The following GSE1 variants were observed in gnomAD, a reference collection of about 807,000 sequenced individuals.
GSE1 encodes the protein Gse1 coiled-coil protein, also known as genetic suppressor element 1.
Under a neutral mutation model 112.6 loss-of-function variants are expected in GSE1, and 32 were observed. That is an observed-to-expected ratio of 0.28 (90% CI 0.21 to 0.38). The LOEUF is 0.38. GSE1 is among the 10% of genes least tolerant of loss of function. The pLI is 1.00. For synonymous variants in GSE1, 1,115 were observed against 735.6 expected (o/e 1.52, Z -8.35); for missense variants, 2,348 against 1,699.2 (o/e 1.38, Z -6.71).
intron 1 of GSE1, among the ~76,000 whole-genome samples, chr16:85,613,643 G>A (rs1249198514): frequency 1.3e-5 from 2 of 151,556 alleles, no homozygotes; most frequent in African/African-American, 4.8e-5. Flanking sequence ...TCCGGGCTCA[G>A]GAGTGCGCTC....
In GSE1 at chr16:85,245,111, A is replaced by AT. The variant is rs1905497030; in HGVS notation, c.2283+73305dup. ...CAGGAGTTCAGGGCTGCAGTAAGCTATGATTGTATCACTGTACTCCAGCCT... is the reference window on the plus strand; with the variant it reads ...CAGGAGTTCAGGGCTGCAGTAAGCTATTGATTGTATCACTGTACTCCAGCCT... On this transcript the variant is annotated intron_variant, in intron 1 of 2. Coordinates refer to the GSE1 transcript ENST00000637419. Among the ~76,000 whole-genome samples, 3 of 152,062 alleles carry AT rather than the reference A, an allele frequency of 2.0e-5. No homozygotes were observed. In the South Asian group the frequency reaches 6.2e-4, roughly 32 times the overall value.
chr16:85,567,034 G>A (rs1233863233), intron 1 of GSE1, among the ~76,000 whole-genome samples: 2 of 146,612 alleles, frequency 1.4e-5, no homozygotes, highest in Admixed American at 6.7e-5. Flanking sequence ...TGTTACTCCC[G>A]CCCCCACCCC....
intron 1 of GSE1, among the ~76,000 whole-genome samples, chr16:85,350,201 T>A (rs1229992518): frequency 6.6e-6 from 1 of 152,182 alleles, no homozygotes; most frequent in Non-Finnish European, 1.5e-5. Context: ...TCCGGAGACA[T>A]CAGCTGAGAG....
At chr16:85,447,789 G>A (rs1050052187) in intron 2 of GSE1, among the ~76,000 whole-genome samples, 1 of 152,234 alleles carries the variant, frequency 6.6e-6, no homozygotes, top group Non-Finnish European at 1.5e-5. Flanking sequence ...GCACCTTTAG[G>A]TGTGAGGTCA....
Position 85,400,755 on chromosome 16 carries a change from G to A in GSE1, c.2464+43112G>A, listed in dbSNP as rs117501865. 5.8e-3 allele frequency among the ~76,000 whole-genome samples: 869 copies of A among 150,836 alleles called. 26 individuals are homozygous for A. In the East Asian group the frequency reaches 0.091, roughly 16 times the overall value. On this transcript the variant is annotated intron_variant, in intron 2 of 2. Coordinates refer to the GSE1 transcript ENST00000637419. ...TGTGTCTCTGTATGTGGTTGTGCAC[G>A]TGTGTCTCTGTGATGTGTGTGTCTC...
chr16:85,648,499 G>A (rs1178517289), intron 2 of GSE1, 53 bp from the exon 3 acceptor site: 2 of 926,870 alleles, frequency 2.2e-6, no homozygotes, highest in East Asian at 2.8e-5. Context: ...AGCTGGCACT[G>A]CACGTGGCTG....
intron 1 of GSE1, among the ~76,000 whole-genome samples, chr16:85,340,790 A>G (rs1223801441): frequency 6.6e-6 from 1 of 151,700 alleles, no homozygotes; most frequent in African/African-American, 2.4e-5. Context: ...CCCACATGTC[A>G]GGCTGACAGG....
intron 3 of GSE1, among the ~76,000 whole-genome samples, chr16:85,653,962 C>CA (rs1351782116): frequency 2.0e-5 from 3 of 152,126 alleles, no homozygotes; most frequent in Admixed American, 2.0e-4. Flanking sequence ...GAGCCCCTGC[C>CA]ACCCTGCATC....
upstream of GSE1, chr16:85,555,294 T>A (rs935148425): frequency 4.3e-5 from 42 of 984,978 alleles, no homozygotes; most frequent in Admixed American, 6.2e-5. Context: ...TGCCTCCTTC[T>A]GCCCAGGCGC....
At chr16:85,488,377 T>C (rs1213520987) in intron 2 of GSE1, among the ~76,000 whole-genome samples, 1 of 152,206 alleles carries the variant, frequency 6.6e-6, no homozygotes, top group African/African-American at 2.4e-5. Flanking sequence ...CTGGTTCCCA[T>C]CTGTGGTTGT....
chr16:85,270,583 A>G (rs1399067676), intron 1 of GSE1, among the ~76,000 whole-genome samples: 1 of 148,890 alleles, frequency 6.7e-6, no homozygotes, highest in African/African-American at 2.4e-5. Flanking sequence ...TATTAAATCA[A>G]AGCTCTCGGG....
At chr16:85,655,661 T>C (rs2051854992) in intron 5 of GSE1, 65 bp from the exon 6 acceptor site, 1 of 1,098,838 alleles carries the variant, frequency 9.1e-7, no homozygotes, top group Admixed American at 2.1e-5. Context: ...GAGACACACC[T>C]GTCGACAGGG....
Position 85,663,619 on chromosome 16 carries a change from G to T in GSE1, c.2644+5G>T, listed in dbSNP as rs777716921. On this transcript the variant is annotated splice_donor_5th_base_variant and intron_variant, in intron 11 of 15. Transcript: ENST00000253458. The stretch of plus-strand genomic sequence containing the variant: ...TCAGCGCTGAGAAGAGGAAAGGTAG[G>T]GCCTCGCCTGGGTAGGAAGGTGGGG... 2 of 1,607,092 alleles carry T rather than the reference G, an allele frequency of 1.2e-6. No individual in the cohort carries two copies. The highest frequency in any genetic ancestry group is 2.2e-5 in the South Asian group (2 of 90,658).
At chr16:85,637,672 C>T (rs1374019947) in intron 2 of GSE1, among the ~76,000 whole-genome samples, 1 of 152,248 alleles carries the variant, frequency 6.6e-6, no homozygotes, top group Non-Finnish European at 1.5e-5. Flanking sequence ...TTGTAAGTGG[C>T]ATGGGGAATT....
intron 2 of GSE1, among the ~76,000 whole-genome samples, chr16:85,542,557 T>C (rs2044557924): frequency 6.6e-6 from 1 of 152,240 alleles, no homozygotes; most frequent in Non-Finnish European, 1.5e-5. Context: ...GCGGAGATGC[T>C]TCTGGGTTGC....
intron 2 of GSE1, among the ~76,000 whole-genome samples, chr16:85,477,299 A>G (rs1391307965): frequency 1.3e-5 from 2 of 152,200 alleles, no homozygotes; most frequent in Admixed American, 6.5e-5. Context: ...ACACGTATAC[A>G]GGAGCTGCTC....
At chr16:85,410,973 A>T (rs1455083520) in intron 2 of GSE1, among the ~76,000 whole-genome samples, 11 of 85,428 alleles carry the variant, frequency 1.3e-4, no homozygotes, top group South Asian at 4.1e-4. Context: ...TCACTGTTAC[A>T]CTCAGGGCCC....
intron 1 of GSE1, among the ~76,000 whole-genome samples, chr16:85,559,124 G>A (rs963052332): frequency 3.3e-5 from 5 of 152,176 alleles, no homozygotes; most frequent in African/African-American, 1.2e-4. Flanking sequence ...TCCCACCTTG[G>A]GCTGGGATTA....
chr16:85,661,936 G>A (rs902651520), intron 9 of GSE1, among the ~76,000 whole-genome samples, 171 bp downstream of exon 9: 7 of 152,178 alleles, frequency 4.6e-5, no homozygotes, highest in African/African-American at 7.2e-5. Context: ...TGACACCCTC[G>A]TAGGGGAGGC....
Sources: allele counts gnomAD v4.1 joint callset (sites outside exome capture counted in the v4.1 genomes callset), GRCh38; gene constraint gnomAD v4.1.1; transcripts MANE v1.5; gene names NCBI Gene and HGNC (gene_info 2026-07-23, HGNC 2026-07-21).